The following KLHL28 variants were observed in gnomAD, a reference collection of about 807,000 sequenced individuals.
KLHL28 encodes kelch like family member 28.
In KLHL28, 22 loss-of-function variants were observed where a neutral mutation model predicts 48.3. The ratio of observed to expected loss-of-function variants is 0.46; its 90% CI spans 0.33 to 0.65. The LOEUF (loss-of-function observed/expected upper bound fraction) is 0.65, where lower values mean the gene tolerates loss of function less well. Ranked by LOEUF, KLHL28 falls within the 30% of genes least tolerant of loss-of-function variation. The pLI is 0.03. For missense variants in KLHL28, 527 were observed against 704.3 expected (o/e 0.75, Z 2.85); for synonymous variants, 243 against 242.4 (o/e 1.00, Z -0.02).
chr14:44,954,800 T>C (rs1884726745), intron 1 of KLHL28, among the ~76,000 whole-genome samples: 1 of 152,208 alleles, frequency 6.6e-6, no homozygotes, highest in South Asian at 2.1e-4. Context: ...TATGTAATTA[T>C]AAAGCACAAT....
chr14:44,930,404 A>C (rs1236315532), intron 4 of KLHL28, among the ~76,000 whole-genome samples: 2 of 152,090 alleles, frequency 1.3e-5, no homozygotes, highest in African/African-American at 4.8e-5. Flanking sequence ...AGCTGACACT[A>C]CAGGCATGTG....
chr14:44,943,078 C>A (rs1216011674), intron 2 of KLHL28, among the ~76,000 whole-genome samples: 1 of 151,916 alleles, frequency 6.6e-6, no homozygotes, highest in South Asian at 2.1e-4. Flanking sequence ...ATGATAGATT[C>A]TATGATAAAA....
intron 2 of KLHL28, among the ~76,000 whole-genome samples, chr14:44,941,369 C>A (rs1221568844): frequency 6.6e-6 from 1 of 152,016 alleles, no homozygotes; most frequent in Non-Finnish European, 1.5e-5. Context: ...CGGTGGCTCA[C>A]GACTGTAATC....
intron 1 of KLHL28, chr14:44,953,696 C>T (rs1300481844): frequency 6.6e-6 from 1 of 152,288 alleles, no homozygotes; most frequent in Non-Finnish European, 1.5e-5. Context: ...CCTTGGACTT[C>T]TCAGCCTCCA....
chr14:44,943,476 G>A (rs1884187323), intron 2 of KLHL28, among the ~76,000 whole-genome samples: 1 of 152,016 alleles, frequency 6.6e-6, no homozygotes, highest in Non-Finnish European at 1.5e-5. Flanking sequence ...TGACCAACAT[G>A]GTGAAACCCC....
At position 44,934,430 on chromosome 14, in the gene KLHL28, A is replaced by T; in HGVS notation, c.1028T>A (p.Val343Glu). 6.2e-7 allele frequency: 1 copy of T among 1,614,178 alleles called. No individual in the cohort carries two copies. The highest frequency in any genetic ancestry group is 8.5e-7 in the Non-Finnish European group (1 of 1,180,020). The change falls in exon 3 of 5, where the codon GTG becomes GAG. Residue 343 changes from valine to glutamate, a missense_variant. Val to Glu is a moderately radical substitution (Grantham distance 121). Coordinates refer to ENST00000396128, the MANE Select transcript of KLHL28 (RefSeq NM_017658.5). ...VYVIGGIATN[V>E]RPGVTIRKHE... The stretch of plus-strand genomic sequence containing the variant: ...TTTTCTGATAGTGACGCCAGGACGC[A>T]CATTAGTTGCAATACCACCTATAAC...
Position 44,934,126 on chromosome 14 carries a change from G to C in KLHL28, c.1332C>G (p.Ala444=), listed in dbSNP as rs769178934. Residue 444 remains alanine (A), a synonymous_variant, in exon 3 of 5, where the codon GCC becomes GCG. Transcript: ENST00000396128. ...MIYAIGGYGP[A]HMNSVERYDP... ...ATTAAGTTAAATACCTGTTCATGTG[G>C]GCAGGACCATACCCACCAATGGCAT... 5.0e-6 allele frequency: 8 copies of C among 1,610,952 alleles called. No homozygotes were observed. In the African/African-American group the frequency reaches 5.3e-5, roughly 11 times the overall value.
At chr14:44,938,658 C>T (rs1883938624) in intron 2 of KLHL28, among the ~76,000 whole-genome samples, 1 of 152,200 alleles carries the variant, frequency 6.6e-6, no homozygotes. Context: ...GCGTGAGCCA[C>T]CGCGCCCGGC....
intron 2 of KLHL28, among the ~76,000 whole-genome samples, chr14:44,935,814 C>G (rs960347805): frequency 2.8e-5 from 4 of 141,878 alleles, no homozygotes; most frequent in African/African-American, 2.5e-5. Flanking sequence ...AGTATTTATT[C>G]TTGATACCCT....
intron 1 of KLHL28, among the ~76,000 whole-genome samples, chr14:44,952,098 C>A (rs1034794668): frequency 1.3e-5 from 2 of 152,080 alleles, no homozygotes; most frequent in Non-Finnish European, 2.9e-5. Context: ...TGGACTCAAA[C>A]GATCACCCAC....
intron 2 of KLHL28, among the ~76,000 whole-genome samples, chr14:44,936,391 G>A (rs1883825377): frequency 2.6e-5 from 4 of 152,198 alleles, no homozygotes; most frequent in African/African-American, 7.2e-5. Flanking sequence ...TTTGTGTAAT[G>A]CAGAGTGAAT....
At chr14:44,937,504 T>C (rs1883876305) in intron 2 of KLHL28, among the ~76,000 whole-genome samples, 2 of 152,202 alleles carry the variant, frequency 1.3e-5, no homozygotes, top group East Asian at 3.8e-4. Context: ...TTGGTTGGTA[T>C]GAGAGTAAGA....
chr14:44,943,684 A>T (rs973080519), intron 2 of KLHL28, among the ~76,000 whole-genome samples: 9 of 151,542 alleles, frequency 5.9e-5, no homozygotes, highest in African/African-American at 1.2e-4. Context: ...AAAAATAAAT[A>T]AAATAAATAA....
At chr14:44,944,912 AAAG>A (rs1884257677) in intron 2 of KLHL28, 115 bp downstream of exon 2, 1 of 771,502 alleles carries the variant, frequency 1.3e-6, no homozygotes, top group South Asian at 2.4e-5. Flanking sequence ...AAAAAACTAA[AAAG>A]AAGCAAAGAA....
At chr14:44,953,484 T>A (rs1381434574) in intron 1 of KLHL28, 1 of 152,348 alleles carries the variant, frequency 6.6e-6, no homozygotes, top group Non-Finnish European at 1.5e-5. Context: ...TGAATTAACA[T>A]GTTAGCAAAT....
At chr14:44,937,373 T>A (rs956279674) in intron 2 of KLHL28, among the ~76,000 whole-genome samples, 2 of 152,224 alleles carry the variant, frequency 1.3e-5, no homozygotes, top group African/African-American at 4.8e-5. Flanking sequence ...GGTCTCGAAC[T>A]CCTGAACTTG....
Position 44,927,956 on chromosome 14 carries a change from A to G in KLHL28, c.*1072T>C, listed in dbSNP as rs1016503024. On this transcript the variant is annotated 3_prime_UTR_variant, in exon 5 of 5. Transcript: ENST00000396128. ...ATTCTGATGATTTTTGGATGTTAAC[A>G]TTGGCGTAATCACTAACATTTTTAA... The G allele has an allele frequency of 2.6e-5, 4 of 152,584 alleles. No homozygotes were observed. Among genetic ancestry groups the G allele is most frequent in the South Asian group, 4.1e-4 (2 of 4,830 alleles). The allele number at this position is 152,584 out of a possible 1,614,324, so 9.5% of individuals were successfully genotyped here.
At chr14:44,931,622 G>C (rs1057232003) in intron 3 of KLHL28, 81 bp from the exon 4 acceptor site, 3 of 998,960 alleles carry the variant, frequency 3.0e-6, no homozygotes, top group Non-Finnish European at 4.5e-6. Flanking sequence ...ACCCACTACA[G>C]CTTTAAAAGT....
At chr14:44,938,382 T>C (rs1883914166) in intron 2 of KLHL28, among the ~76,000 whole-genome samples, 1 of 152,142 alleles carries the variant, frequency 6.6e-6, no homozygotes, top group Non-Finnish European at 1.5e-5. Context: ...GTCTTCTTTT[T>C]TTTTTTTGAG....
Sources: allele counts gnomAD v4.1 joint callset (sites outside exome capture counted in the v4.1 genomes callset), GRCh38; gene constraint gnomAD v4.1.1; transcripts MANE v1.5; gene names NCBI Gene and HGNC (gene_info 2026-07-23, HGNC 2026-07-21).